The following GRIN2A variants were observed in gnomAD, a reference collection of about 807,000 sequenced individuals.
GRIN2A encodes the protein glutamate ionotropic receptor NMDA type subunit 2A.
GRIN2A carries 22 observed loss-of-function variants against 113.4 expected under a neutral mutation model. The ratio of observed to expected loss-of-function variants is 0.19; its 90% CI spans 0.14 to 0.28. GRIN2A has a LOEUF of 0.28. Ranked by LOEUF, GRIN2A falls within the 10% of genes least tolerant of loss-of-function variation. The pLI is 1.00. For synonymous variants in GRIN2A, 827 were observed against 738.4 expected (o/e 1.12, Z -1.94); for missense variants, 1,502 against 1,887.0 (o/e 0.80, Z 3.78).
chr16:9,951,107 C>A (rs12599965), intron 2 of GRIN2A, among the ~76,000 whole-genome samples: 1 of 152,056 alleles, frequency 6.6e-6, no homozygotes, highest in Non-Finnish European at 1.5e-5. Flanking sequence ...ATTCAGATAC[C>A]ATCTGAAGAT....
At chr16:9,904,861 A>T (rs950615302) in intron 3 of GRIN2A, among the ~76,000 whole-genome samples, 24 of 152,208 alleles carry the variant, frequency 1.6e-4, no homozygotes, top group Non-Finnish European at 2.2e-4. Flanking sequence ...GCATCATGAG[A>T]GTTAGAAGGG....
chr16:9,870,858 G>A (rs1347445187), intron 4 of GRIN2A, among the ~76,000 whole-genome samples: 2 of 151,906 alleles, frequency 1.3e-5, no homozygotes, highest in Non-Finnish European at 2.9e-5. Flanking sequence ...GGTTGGTCTC[G>A]AACTCCTGAG....
intron 4 of GRIN2A, among the ~76,000 whole-genome samples, chr16:9,875,978 G>C: frequency 6.6e-6 from 1 of 152,148 alleles, no homozygotes; most frequent in East Asian, 1.9e-4. Context: ...TGGTAGAAGA[G>C]CTGAGGCAGG....
rs776960433 is a variant in GRIN2A, at chr16:9,891,114, G to A, written c.1008-14C>T. 3 of 1,507,034 alleles carry A rather than the reference G, an allele frequency of 2.0e-6. No homozygotes were observed. Among genetic ancestry groups the A allele is most frequent in the Admixed American group, 1.7e-5 (1 of 59,876 alleles). The allele number at this position is 1,507,034 out of a possible 1,614,324, so 93.4% of individuals were successfully genotyped here. On this transcript the variant is annotated splice_polypyrimidine_tract_variant and intron_variant, in intron 3 of 12. Transcript: ENST00000330684. ...TTGACCATAAATCTAGAAAGGGGAA[G>A]AGAGAAAGACAAATTTTTAGGAAAG...
chr16:9,768,240 G>C lies in GRIN2A; in HGVS notation c.2595+611C>G, dbSNP rs908666217. 5.3e-5 allele frequency among the ~76,000 whole-genome samples: 8 copies of C among 151,188 alleles called. No individual in the cohort carries two copies. The East Asian group carries it at 7.8e-4, about 15-fold the overall frequency. On this transcript the variant is annotated intron_variant, in intron 12 of 12. Transcript: ENST00000330684. ...ATTTTTTGTGTTTTTAGTAGAGAAGGGGGGGGTCTCACCGTGTTAGCCAGG... is the reference window on the plus strand; with the variant it reads ...ATTTTTTGTGTTTTTAGTAGAGAAGCGGGGGGTCTCACCGTGTTAGCCAGG...
chr16:10,047,573 G>A (rs539254501), intron 2 of GRIN2A, among the ~76,000 whole-genome samples: 89 of 152,292 alleles, frequency 5.8e-4, no homozygotes, highest in Middle Eastern at 3.4e-3. Flanking sequence ...TGATATAGAT[G>A]TTGGTGCTCC....
intron 2 of GRIN2A, among the ~76,000 whole-genome samples, chr16:10,048,952 T>C (rs1430982739): frequency 1.3e-5 from 2 of 152,228 alleles, no homozygotes; most frequent in African/African-American, 4.8e-5. Flanking sequence ...GAGAGATCTC[T>C]CTGGCCCCAG....
intron 2 of GRIN2A, among the ~76,000 whole-genome samples, chr16:10,162,572 G>T (rs1279066110): frequency 6.6e-6 from 1 of 152,160 alleles, no homozygotes; most frequent in Non-Finnish European, 1.5e-5. Flanking sequence ...GTCTTCACAT[G>T]GTCCTCCCTT....
intron 5 of GRIN2A, among the ~76,000 whole-genome samples, chr16:9,849,218 T>TAA (rs1486259724): frequency 2.8e-4 from 40 of 144,664 alleles, no homozygotes; most frequent in African/African-American, 9.3e-4. Flanking sequence ...TCTATATATT[T>TAA]ATATATAATG....
At chr16:9,876,897 T>C (rs2043378817) in intron 4 of GRIN2A, among the ~76,000 whole-genome samples, 1 of 152,194 alleles carries the variant, frequency 6.6e-6, no homozygotes, top group Non-Finnish European at 1.5e-5. Flanking sequence ...GAGACAGTCA[T>C]AGTGTATAGT....
chr16:9,824,111 C>G (rs1309435988), intron 9 of GRIN2A, among the ~76,000 whole-genome samples: 1 of 152,208 alleles, frequency 6.6e-6, no homozygotes, highest in Non-Finnish European at 1.5e-5. Context: ...ATCGTTTTCC[C>G]TAAATTAGGC....
At chr16:9,885,600 G>C (rs969328141) in intron 4 of GRIN2A, among the ~76,000 whole-genome samples, 5 of 152,204 alleles carry the variant, frequency 3.3e-5, no homozygotes, top group African/African-American at 1.2e-4. Context: ...ACATGCTGCT[G>C]CTTTCAGTGA....
At chr16:10,045,747 T>C (rs2047246815) in intron 2 of GRIN2A, among the ~76,000 whole-genome samples, 1 of 152,266 alleles carries the variant, frequency 6.6e-6, no homozygotes, top group Admixed American at 6.5e-5. Context: ...GCAGATCATC[T>C]TGGGGTGCCC....
chr16:9,788,488 C>T (rs1424534826), intron 11 of GRIN2A, among the ~76,000 whole-genome samples: 1 of 151,978 alleles, frequency 6.6e-6, no homozygotes, highest in Non-Finnish European at 1.5e-5. Context: ...AAACTCCTAA[C>T]CTCGAGTGAT....
intron 2 of GRIN2A, among the ~76,000 whole-genome samples, chr16:9,971,343 G>A (rs1049198145): frequency 1.3e-5 from 2 of 152,198 alleles, no homozygotes; most frequent in Non-Finnish European, 2.9e-5. Context: ...CACATAAAAA[G>A]GTTACATTAG....
intron 2 of GRIN2A, among the ~76,000 whole-genome samples, chr16:10,113,799 T>C (rs1351210683): frequency 1.3e-5 from 2 of 152,232 alleles, no homozygotes; most frequent in East Asian, 1.9e-4. Flanking sequence ...TTGTTTAATA[T>C]GTGTGACAGC....
At chr16:10,092,278 G>A (rs1596496312) in intron 2 of GRIN2A, among the ~76,000 whole-genome samples, 1 of 152,154 alleles carries the variant, frequency 6.6e-6, no homozygotes, top group Non-Finnish European at 1.5e-5. Flanking sequence ...CATCTTTTCT[G>A]TTCTAGAAAA....
At chr16:9,933,358 T>C (rs969077743) in intron 3 of GRIN2A, among the ~76,000 whole-genome samples, 3 of 152,070 alleles carry the variant, frequency 2.0e-5, no homozygotes, top group Non-Finnish European at 4.4e-5. Context: ...TTGCCTGAGA[T>C]TATAAATAAA....
chr16:9,793,592 G>T (rs1476025323), intron 11 of GRIN2A, among the ~76,000 whole-genome samples: 1 of 152,044 alleles, frequency 6.6e-6, no homozygotes, highest in African/African-American at 2.4e-5. Context: ...TGAATAAATG[G>T]CTGAGTCTTC....
Sources: allele counts gnomAD v4.1 joint callset (sites outside exome capture counted in the v4.1 genomes callset), GRCh38; gene constraint gnomAD v4.1.1; transcripts MANE v1.5; gene names NCBI Gene and HGNC (gene_info 2026-07-23, HGNC 2026-07-21).